Variants in TBCK observed in about 807,000 individuals in gnomAD.
TBCK encodes TBC domain-containing protein kinase-like protein.
TBCK carries 99 observed loss-of-function variants against 113.4 expected under a neutral mutation model. The ratio of observed to expected loss-of-function variants is 0.87; its 90% CI spans 0.74 to 1.03. The LOEUF is 1.03. Among genes scored for constraint, TBCK ranks in the 50% least tolerant of loss-of-function variants. TBCK has a pLI of 0.00. For missense variants in TBCK, 1,045 were observed against 1,061.3 expected (o/e 0.98, Z 0.21); for synonymous variants, 369 against 370.8 (o/e 1.00, Z 0.05).
intron 23 of TBCK, among the ~76,000 whole-genome samples, chr4:106,167,198 CTG>C (rs932327664): frequency 4.1e-5 from 6 of 144,890 alleles, no homozygotes; most frequent in Non-Finnish European, 9.1e-5. Context: ...ATATATAGAA[CTG>C]TATATATATA....
At chr4:106,225,034 T>C (rs967031002) in intron 19 of TBCK, among the ~76,000 whole-genome samples, 9 of 152,210 alleles carry the variant, frequency 5.9e-5, no homozygotes, top group African/African-American at 2.2e-4. Context: ...CGTATCATAG[T>C]ATGAAGTCCT....
intron 10 of TBCK, among the ~76,000 whole-genome samples, chr4:106,245,953 C>A (rs1017381076): frequency 3.9e-5 from 6 of 152,104 alleles, no homozygotes; most frequent in Non-Finnish European, 8.8e-5. Flanking sequence ...AAAAAAACAT[C>A]TGGAATTTTC....
At chr4:106,310,421 A>T (rs1194883598) in intron 1 of TBCK, 2 of 152,246 alleles carry the variant, frequency 1.3e-5, no homozygotes, top group East Asian at 3.8e-4. Context: ...CAGCAGTCAG[A>T]GGGTTTGAAA....
chr4:106,203,918 A>G (rs1169204214), intron 20 of TBCK, among the ~76,000 whole-genome samples: 1 of 152,178 alleles, frequency 6.6e-6, no homozygotes, highest in Non-Finnish European at 1.5e-5. Context: ...AGAAAATCTC[A>G]TCAATTCAGA....
intron 25 of TBCK, among the ~76,000 whole-genome samples, chr4:106,092,695 C>T (rs948257325): frequency 1.3e-5 from 2 of 152,340 alleles, no homozygotes; most frequent in African/African-American, 4.8e-5. Context: ...AGTGCGGGGC[C>T]GTCAAGCCCA....
chr4:106,309,437 C>A (rs977094468), intron 1 of TBCK, among the ~76,000 whole-genome samples: 1 of 151,286 alleles, frequency 6.6e-6, no homozygotes, highest in South Asian at 2.1e-4. Context: ...CTCAGCCTCC[C>A]GAGTAGAGGC....
chr4:106,258,541 C>T (rs1762214503), intron 5 of TBCK, among the ~76,000 whole-genome samples: 1 of 152,044 alleles, frequency 6.6e-6, no homozygotes, highest in Admixed American at 6.5e-5. Flanking sequence ...CAAAGGGTAA[C>T]ACAAGACCAA....
intron 3 of TBCK, among the ~76,000 whole-genome samples, chr4:106,268,759 G>C (rs984963730): frequency 9.9e-5 from 15 of 152,058 alleles, no homozygotes; most frequent in African/African-American, 3.1e-4. Context: ...ATTACTACTG[G>C]CCTCAAACCA....
chr4:106,200,212 C>T (rs1754720319), intron 20 of TBCK, among the ~76,000 whole-genome samples: 1 of 152,168 alleles, frequency 6.6e-6, no homozygotes, highest in Admixed American at 6.5e-5. Flanking sequence ...CATAAGTCAA[C>T]TTTTCTGTGA....
At chr4:106,109,284 C>T (rs1315586228) in intron 24 of TBCK, among the ~76,000 whole-genome samples, 2 of 152,068 alleles carry the variant, frequency 1.3e-5, no homozygotes, top group African/African-American at 4.8e-5. Flanking sequence ...TTTTAAAATT[C>T]ATATGGAACC....
intron 2 of TBCK, among the ~76,000 whole-genome samples, chr4:106,302,132 T>G (rs904947758): frequency 2.0e-5 from 3 of 152,214 alleles, no homozygotes; most frequent in African/African-American, 7.2e-5. Flanking sequence ...CAATCCATAT[T>G]TTCATTTCAG....
At chr4:106,266,298 T>C (rs1762987714) in intron 3 of TBCK, among the ~76,000 whole-genome samples, 1 of 151,772 alleles carries the variant, frequency 6.6e-6, no homozygotes, top group South Asian at 2.1e-4. Context: ...TACAAGTCAA[T>C]TTTAGAGTAG....
At chr4:106,210,983 G>C (rs571185245) in intron 20 of TBCK, among the ~76,000 whole-genome samples, 1 of 152,102 alleles carries the variant, frequency 6.6e-6, no homozygotes, top group East Asian at 1.9e-4. Flanking sequence ...TTTTTAAAGA[G>C]ATGAAGTGTT....
At chr4:106,286,870 G>A (rs1215860226) in intron 3 of TBCK, among the ~76,000 whole-genome samples, 1 of 133,336 alleles carries the variant, frequency 7.5e-6, no homozygotes, top group Admixed American at 8.2e-5. Context: ...GTGACAAAGC[G>A]AGAACCTGTC....
At chr4:106,201,092 A>G (rs1754838208) in intron 20 of TBCK, among the ~76,000 whole-genome samples, 1 of 151,998 alleles carries the variant, frequency 6.6e-6, no homozygotes, top group African/African-American at 2.4e-5. Flanking sequence ...TTCTAATGAT[A>G]TTTGAAAAGT....
intron 3 of TBCK, among the ~76,000 whole-genome samples, chr4:106,274,649 T>C (rs577325221): frequency 7.2e-5 from 11 of 152,216 alleles, no homozygotes; most frequent in African/African-American, 2.2e-4. Context: ...AGTAAGTGGA[T>C]TAGTGGTTTC....
At chr4:106,086,407 C>T (rs1739524279) in intron 25 of TBCK, among the ~76,000 whole-genome samples, 1 of 152,054 alleles carries the variant, frequency 6.6e-6, no homozygotes, top group African/African-American at 2.4e-5. Context: ...CTGAATATAC[C>T]AATAACAAGC....
chr4:106,197,411 GTATA>G (rs1553957897), intron 20 of TBCK, among the ~76,000 whole-genome samples: 10 of 122,446 alleles, frequency 8.2e-5, no homozygotes, highest in Admixed American at 1.7e-4. Flanking sequence ...GTGTGTGTGT[GTATA>G]TATATATATA....
At chr4:106,266,184 A>G (rs1762973186) in intron 3 of TBCK, among the ~76,000 whole-genome samples, 1 of 151,764 alleles carries the variant, frequency 6.6e-6, no homozygotes, top group South Asian at 2.1e-4. Flanking sequence ...ACATTGATAA[A>G]TATGTGCACA....
Sources: gnomAD v4.1 joint callset for allele counts (sites outside exome capture counted in the v4.1 genomes callset) on GRCh38, gnomAD v4.1.1 for gene constraint, MANE v1.5 for transcripts, NCBI Gene and HGNC (gene_info 2026-07-23, HGNC 2026-07-21) for gene names.